RSRC2: variants seen among roughly 807,000 people sequenced by gnomAD.
The protein encoded by RSRC2 is arginine/serine-rich coiled-coil protein 2.
A neutral mutation model predicts 61.3 loss-of-function variants in RSRC2; 5 were observed. The ratio of observed to expected loss-of-function variants is 0.08; its 90% confidence interval spans 0.04 to 0.17. The LOEUF is 0.17. RSRC2 is among the 10% of genes least tolerant of loss of function. RSRC2 has a pLI of 1.00. For missense variants in RSRC2, 381 were observed against 518.8 expected (o/e 0.73, Z 2.58); for synonymous variants, 202 against 166.5 (o/e 1.21, Z -1.64).
At chr12:122,516,574 G>A (rs1231889805) in intron 5 of RSRC2, among the ~76,000 whole-genome samples, 1 of 152,158 alleles carries the variant, frequency 6.6e-6, no homozygotes, top group Non-Finnish European at 1.5e-5. Context: ...GTTCTTCTGA[G>A]AACTAGATGA....
Position 122,505,546 on chromosome 12 carries a change from C to T in RSRC2, c.1286G>A (p.Arg429Gln). ...TCATTTTCAAACTGCATCCATTCCTCGCATTGAAGATGTGAAACCCAAACC... is the reference window on the plus strand; with the variant it reads ...TCATTTTCAAACTGCATCCATTCCTTGCATTGAAGATGTGAAACCCAAACC... ...GMGLGFTSSM[R>Q]GMDAV Residue 429 changes from arginine to glutamine, a missense_variant, in exon 10 of 10, where the codon CGA becomes CAA. Physicochemically the swap from Arg to Gln is conservative, Grantham distance 43 (BLOSUM62 1). Around this residue, in one of 4 missense-constraint regions of RSRC2, gnomAD observed 78 missense variants for 183.0 expected, o/e 0.43. Coordinates refer to ENST00000331738, the MANE Select transcript of RSRC2 (RefSeq NM_023012.6). 1 of 1,613,660 alleles carries T rather than the reference C, an allele frequency of 6.2e-7. No homozygotes were observed. Among genetic ancestry groups the T allele is most frequent in the Non-Finnish European group, 8.5e-7 (1 of 1,179,782 alleles).
At chr12:122,526,726 G>A (rs533047389) in intron 1 of RSRC2, 122 bp downstream of exon 1, 27 of 1,155,270 alleles carry the variant, frequency 2.3e-5, no homozygotes, top group South Asian at 1.1e-4. Flanking sequence ...GGGCGCAGAA[G>A]AAGGCCGCGG....
In RSRC2 at chr12:122,505,381, C is replaced by T. The variant is rs1323161255; in HGVS notation, c.*146G>A. On this transcript the variant is annotated 3_prime_UTR_variant, in exon 10 of 10. Transcript: ENST00000331738. ...CAACACTAACACCAGTATCACTGATCTGATATTTACAAAAATTTGTATTTT... is the reference window on the plus strand; with the variant it reads ...CAACACTAACACCAGTATCACTGATTTGATATTTACAAAAATTTGTATTTT... 3.0e-6 allele frequency: 2 copies of T among 675,218 alleles called. No homozygotes were observed. The highest frequency in any genetic ancestry group is 1.8e-5 in the African/African-American group (1 of 55,268). The allele number at this position is 675,218 out of a possible 1,614,324, so 41.8% of individuals were successfully genotyped here. A position where few individuals can be genotyped will look rare whatever the true frequency, so the allele number is the denominator to read the frequency against.
chr12:122,508,793 C>T (rs181872583), intron 7 of RSRC2, among the ~76,000 whole-genome samples: 92 of 151,544 alleles, frequency 6.1e-4, no homozygotes, highest in Admixed American at 4.0e-3. Context: ...CCCGTCTCTA[C>T]CAAAAATACA....
chr12:122,515,410 C>T (rs965935199), intron 5 of RSRC2, among the ~76,000 whole-genome samples, 183 bp from the exon 6 acceptor site: 1 of 152,134 alleles, frequency 6.6e-6, no homozygotes, highest in South Asian at 2.1e-4. Context: ...TTCCAACTCC[C>T]TCATCCCTTT....
In RSRC2 at chr12:122,522,094, A is replaced by C; in HGVS notation, c.163+49T>G. On this transcript the variant is annotated intron_variant, in intron 2 of 9. Coordinates refer to ENST00000331738, the MANE Select transcript of RSRC2 (RefSeq NM_023012.6). ...GTGTCTTCTTATACAACAGGTCTAC[A>C]TATCTTATACAAATGCTGAGAGTTG... 3 of 1,551,192 alleles carry C rather than the reference A, an allele frequency of 1.9e-6. No homozygotes were observed. The South Asian group carries it at 3.6e-5, about 19-fold the overall frequency.
chr12:122,524,976 G>T (rs564116219), intron 1 of RSRC2, among the ~76,000 whole-genome samples: 3 of 152,132 alleles, frequency 2.0e-5, no homozygotes, highest in African/African-American at 7.2e-5. Flanking sequence ...TTTCCACTGC[G>T]AAGGAGGTAA....
chr12:122,517,530 G>T, intron 4 of RSRC2, 100 bp from the exon 5 acceptor site: 1 of 1,312,992 alleles, frequency 7.6e-7, no homozygotes. Context: ...ATAAAGACAA[G>T]CAAGTAACTG....
chr12:122,513,176 C>A (rs1958649417), intron 6 of RSRC2, among the ~76,000 whole-genome samples: 1 of 149,996 alleles, frequency 6.7e-6, no homozygotes, highest in Non-Finnish European at 1.5e-5. Flanking sequence ...GCCTGGGCAA[C>A]AGAGCAAGAC....
At chr12:122,515,008 G>C in intron 6 of RSRC2, 97 bp downstream of exon 6, 1 of 1,313,164 alleles carries the variant, frequency 7.6e-7, no homozygotes, top group Non-Finnish European at 1.1e-6. Flanking sequence ...ACTAAAGTAT[G>C]TGAATCATTC....
At chr12:122,524,979 GGAGGT>G (rs1453783602) in intron 1 of RSRC2, among the ~76,000 whole-genome samples, 2 of 152,184 alleles carry the variant, frequency 1.3e-5, no homozygotes, top group Non-Finnish European at 1.5e-5. Flanking sequence ...CCACTGCGAA[GGAGGT>G]AAGCACTGGA....
At chr12:122,509,478 A>G (rs1958338353) in intron 7 of RSRC2, among the ~76,000 whole-genome samples, 1 of 151,870 alleles carries the variant, frequency 6.6e-6, no homozygotes, top group Admixed American at 6.6e-5. Context: ...AAAAACAAAA[A>G]AAAACCCAAA....
At chr12:122,520,457 T>C in intron 3 of RSRC2, 1 of 1,042,538 alleles carries the variant, frequency 9.6e-7, no homozygotes, top group African/African-American at 1.6e-5. Flanking sequence ...CTTAACTGAT[T>C]TAAGATATAT....
At chr12:122,520,738 C>CCA in intron 3 of RSRC2, 1 of 383,636 alleles carries the variant, frequency 2.6e-6, no homozygotes, top group Non-Finnish European at 5.0e-6. Flanking sequence ...TACCCAGCCC[C>CCA]CACAAGACTC....
chr12:122,522,246 T>C lies in RSRC2; in HGVS notation c.60A>G (p.Arg20=), dbSNP rs769641886. ...GLAPEKTSPD[R]DKKKEQSEVS... ...CTTCTGACTGCTCTTTTTTCTTATC[T>C]CTATCTGGTGATGTCTTTTCTGGGG... Residue 20 remains arginine (R), a synonymous_variant, in exon 2 of 10, where the codon AGA becomes AGG. Transcript: ENST00000331738. The C allele has an allele frequency of 1.4e-5, 23 of 1,613,902 alleles. No individual in the cohort carries two copies. The highest frequency in any genetic ancestry group is 1.8e-5 in the Non-Finnish European group (21 of 1,179,962).
At chr12:122,515,280 T>A (rs77933700) in intron 5 of RSRC2, 53 bp from the exon 6 acceptor site, 1 of 1,557,384 alleles carries the variant, frequency 6.4e-7, no homozygotes, top group Non-Finnish European at 8.7e-7. Flanking sequence ...ATAACTATTT[T>A]GTTAATAAGA....
At chr12:122,512,083 G>A (rs1161022267) in intron 6 of RSRC2, among the ~76,000 whole-genome samples, 1 of 152,204 alleles carries the variant, frequency 6.6e-6, no homozygotes, top group Non-Finnish European at 1.5e-5. Context: ...TGGCATTACA[G>A]GCGTGAGCCA....
intron 5 of RSRC2, among the ~76,000 whole-genome samples, chr12:122,516,267 T>C (rs569107401): frequency 6.6e-6 from 1 of 152,212 alleles, no homozygotes; most frequent in East Asian, 1.9e-4. Flanking sequence ...AAGCAGAGAA[T>C]AACGCATTCA....
chr12:122,504,745 TAAAATA>T lies in RSRC2; in HGVS notation c.*776_*781del, dbSNP rs1958017553. ...AAGAACTTGTTATAAGGCACTTTAT[TAAAATA>T]AAAGTGCTTACATCCCTTTAATGCA... On this transcript the variant is annotated 3_prime_UTR_variant, in exon 10 of 10. Transcript: ENST00000331738. 1.3e-5 allele frequency: 2 copies of T among 152,636 alleles called. No homozygotes were observed. Among genetic ancestry groups the T allele is most frequent in the African/African-American group, 4.8e-5 (2 of 41,452 alleles). The allele number at this position is 152,636 out of a possible 1,614,324, so 9.5% of individuals were successfully genotyped here. A position where few individuals can be genotyped will look rare whatever the true frequency, so the allele number is the denominator to read the frequency against.
Sources: allele counts gnomAD v4.1 joint callset (sites outside exome capture counted in the v4.1 genomes callset), GRCh38; gene constraint gnomAD v4.1.1; regional missense constraint gnomAD v4.1.1; transcripts MANE v1.5; gene names NCBI Gene and HGNC (gene_info 2026-07-23, HGNC 2026-07-21).